The following JAZF1 variants were observed in gnomAD, a reference collection of about 807,000 sequenced individuals.
JAZF1 encodes JAZF zinc finger 1.
A neutral mutation model predicts 26.4 loss-of-function variants in JAZF1; 8 were observed. The observed-to-expected ratio is 0.30, with a 90% confidence interval of 0.18 to 0.55. The LOEUF (loss-of-function observed/expected upper bound fraction) is 0.55, where lower values mean the gene tolerates loss of function less well. JAZF1 is among the 20% of genes least tolerant of loss of function. The pLI is 0.94. For synonymous variants in JAZF1, 126 were observed against 122.3 expected, an observed-to-expected ratio of 1.03 and a Z score of -0.20; for missense variants, 199 against 322.0, an observed-to-expected ratio of 0.62 and a Z score of 2.92.
At chr7:27,848,533 A>G (rs1027776027) in intron 3 of JAZF1, among the ~76,000 whole-genome samples, 9 of 152,212 alleles carry the variant, frequency 5.9e-5, no homozygotes, top group African/African-American at 2.2e-4. Flanking sequence ...AAAGGACACA[A>G]GGTTTAAGGA....
In JAZF1 at chr7:27,831,437, G is replaced by A. The variant is rs1179716579; in HGVS notation, c.*1363C>T. 4.4e-6 allele frequency: 1 copy of A among 228,766 alleles called. No homozygotes were observed. The highest frequency in any genetic ancestry group is 8.7e-6 in the Non-Finnish European group (1 of 115,082). 14.2% of individuals were successfully genotyped at this position (228,766 alleles called of 1,614,324 possible). ...TATTAGGCAACTGGTAAACTCTCGT[G>A]TTTAAGGAATAGCACTTGGGAGAAA... On this transcript the variant is annotated 3_prime_UTR_variant, in exon 5 of 5. Coordinates refer to ENST00000283928, the MANE Select transcript of JAZF1 (RefSeq NM_175061.4).
chr7:27,852,305 T>C (rs1783166243), intron 3 of JAZF1, among the ~76,000 whole-genome samples: 1 of 152,010 alleles, frequency 6.6e-6, no homozygotes. Flanking sequence ...CTAATTTTTT[T>C]GTATTTTTAG....
intron 3 of JAZF1, among the ~76,000 whole-genome samples, chr7:27,873,617 G>A (rs780270913): frequency 5.3e-5 from 8 of 152,160 alleles, no homozygotes; most frequent in Admixed American, 3.3e-4. Context: ...TAACTGAATT[G>A]TTGCCAGTAG....
At chr7:27,871,537 G>A (rs1783581990) in intron 3 of JAZF1, among the ~76,000 whole-genome samples, 1 of 152,184 alleles carries the variant, frequency 6.6e-6, no homozygotes, top group South Asian at 2.1e-4. Context: ...CAGATACTCA[G>A]CAAACCTTCG....
chr7:27,832,980 TGGA>T lies in JAZF1; in HGVS notation c.556-7_556-5del, dbSNP rs1782735232. The T allele has an allele frequency of 6.4e-7, 1 of 1,551,428 alleles. No individual in the cohort carries two copies. ...GATACTTTATGCCATTCACATTCTG[TGGA>T]GAAGACAAAAATATTTATTACATGG... On this transcript the variant is annotated splice_polypyrimidine_tract_variant and splice_region_variant and intron_variant, in intron 4 of 4. Coordinates refer to ENST00000283928, the MANE Select transcript of JAZF1 (RefSeq NM_175061.4).
chr7:28,132,576 T>C (rs1782813313), intron 1 of JAZF1, among the ~76,000 whole-genome samples: 1 of 152,178 alleles, frequency 6.6e-6, no homozygotes, highest in Non-Finnish European at 1.5e-5. Context: ...AAGGAAGCAA[T>C]TTCCAGCCAT....
chr7:28,136,467 C>G (rs148621769), intron 1 of JAZF1, among the ~76,000 whole-genome samples: 1 of 152,206 alleles, frequency 6.6e-6, no homozygotes, highest in South Asian at 2.1e-4. Flanking sequence ...ACCACTCCAA[C>G]AAGGATGAGT....
At chr7:27,988,003 A>C (rs990853172) in intron 2 of JAZF1, among the ~76,000 whole-genome samples, 36 of 152,136 alleles carry the variant, frequency 2.4e-4, no homozygotes, top group Non-Finnish European at 4.4e-5. Context: ...GCTCGTTAAG[A>C]GTCATCACCA....
At chr7:28,032,115 AAAGTGGTAT>A (rs1783203301) in intron 1 of JAZF1, among the ~76,000 whole-genome samples, 1 of 152,200 alleles carries the variant, frequency 6.6e-6, no homozygotes, top group Non-Finnish European at 1.5e-5. Context: ...AAAAGTTCTA[AAAGTGGTAT>A]GATCTATGTT....
intron 1 of JAZF1, among the ~76,000 whole-genome samples, chr7:28,022,743 C>CTT (rs5883115): frequency 0.88 from 134,026 of 152,066 alleles, 59,631 homozygotes; most frequent in Non-Finnish European, 0.92. Context: ...TAATATTTCA[C>CTT]TGTTGTTGTT....
At chr7:27,863,144 A>G (rs4364544) in intron 3 of JAZF1, among the ~76,000 whole-genome samples, 1 of 152,222 alleles carries the variant, frequency 6.6e-6, no homozygotes, top group Admixed American at 6.5e-5. Context: ...TCAAAATGTT[A>G]TTTCAGGTGA....
chr7:27,953,903 A>G (rs1212130043), intron 2 of JAZF1, among the ~76,000 whole-genome samples: 1 of 152,174 alleles, frequency 6.6e-6, no homozygotes, highest in African/African-American at 2.4e-5. Context: ...GTCATCAGAG[A>G]AGCCACAGTG....
At chr7:27,964,961 G>T (rs1208695745) in intron 2 of JAZF1, among the ~76,000 whole-genome samples, 1 of 152,062 alleles carries the variant, frequency 6.6e-6, no homozygotes, top group African/African-American at 2.4e-5. Flanking sequence ...GTGTATGTTC[G>T]CATGTGTTTC....
At chr7:27,998,380 T>C (rs1786065663) in intron 1 of JAZF1, among the ~76,000 whole-genome samples, 1 of 152,206 alleles carries the variant, frequency 6.6e-6, no homozygotes. Flanking sequence ...ACTGAATTTG[T>C]TGCATCAACA....
intron 1 of JAZF1, among the ~76,000 whole-genome samples, chr7:28,170,269 A>G (rs1235897371): frequency 6.6e-6 from 1 of 152,108 alleles, no homozygotes; most frequent in Non-Finnish European, 1.5e-5. Context: ...AAATAATAAT[A>G]AAATAAAGTA....
At chr7:28,110,613 G>A (rs201050268) in intron 1 of JAZF1, among the ~76,000 whole-genome samples, 3,339 of 101,774 alleles carry the variant, frequency 0.033, 144 homozygotes, top group East Asian at 0.24. Flanking sequence ...GAAAAGGAAA[G>A]GAAAAGGAAA....
At chr7:27,997,284 T>G (rs1304293717) in intron 1 of JAZF1, among the ~76,000 whole-genome samples, 2 of 151,946 alleles carry the variant, frequency 1.3e-5, no homozygotes, top group Non-Finnish European at 2.9e-5. Context: ...CCAGGGACAC[T>G]AAAGCAAGAC....
At chr7:27,952,745 ATC>A (rs1292504132) in intron 2 of JAZF1, among the ~76,000 whole-genome samples, 2 of 152,218 alleles carry the variant, frequency 1.3e-5, no homozygotes, top group Non-Finnish European at 2.9e-5. Context: ...ATCAAATTTC[ATC>A]TGTTTTCTTG....
At chr7:28,017,148 C>T (rs930700182) in intron 1 of JAZF1, among the ~76,000 whole-genome samples, 3 of 151,994 alleles carry the variant, frequency 2.0e-5, no homozygotes, top group Admixed American at 6.6e-5. Context: ...GTCAGGAGTT[C>T]GAGACCAGCC....
Sources: allele counts gnomAD v4.1 joint callset (sites outside exome capture counted in the v4.1 genomes callset), GRCh38; gene constraint gnomAD v4.1.1; transcripts MANE v1.5; gene names NCBI Gene and HGNC (gene_info 2026-07-23, HGNC 2026-07-21).